The following ATP13A5 variants were observed in gnomAD, a reference collection of about 807,000 sequenced individuals.
The protein encoded by ATP13A5 is probable cation-transporting ATPase 13A5.
A neutral mutation model predicts 150.2 loss-of-function variants in ATP13A5; 149 were observed. The observed-to-expected ratio is 0.99, with a 90% CI of 0.87 to 1.14. The LOEUF (loss-of-function observed/expected upper bound fraction) is 1.14, where lower values mean the gene tolerates loss of function less well. Ranked by LOEUF, ATP13A5 falls within the 50% of genes most tolerant of loss-of-function variation. The pLI, the probability that ATP13A5 is intolerant of heterozygous loss-of-function variation, is 0.00. For missense variants in ATP13A5, 1,383 were observed against 1,449.3 expected (o/e 0.95, Z 0.74); for synonymous variants, 497 against 522.2 (o/e 0.95, Z 0.66).
chr3:193,321,765 C>A lies in ATP13A5; in HGVS notation c.1831G>T (p.Ala611Ser). The A allele has an allele frequency of 6.2e-7, 1 of 1,614,184 alleles. No homozygotes were observed. Among genetic ancestry groups the A allele is most frequent in the African/African-American group, 1.3e-5 (1 of 75,052 alleles). The change falls in exon 16 of 30, where the codon GCT (alanine) becomes TCT (serine). Residue 611 changes from alanine to serine, a missense_variant. Ala to Ser is a moderately conservative substitution (Grantham distance 99). This residue lies in a region of ATP13A5 where 787 missense variants were observed against 771.9 expected (regional missense o/e 1.02). Coordinates refer to ENST00000342358, the MANE Select transcript of ATP13A5 (RefSeq NM_198505.4). ...SSSLQRMSVI[A>S]QLAGENHFHV... is the part of the protein sequence containing the mutation. ...AAATGATTCTCCCCAGCTAGCTGAG[C>A]GATCACGGACATCCTCTGCAGGCTC...
In ATP13A5 at chr3:193,279,422, C is replaced by T; in HGVS notation, c.3259G>A (p.Gly1087Ser). 1 of 1,613,666 alleles carries T rather than the reference C, an allele frequency of 6.2e-7. No homozygotes were observed. The highest frequency in any genetic ancestry group is 8.5e-7 in the Non-Finnish European group (1 of 1,179,794). The change falls in exon 28 of 30, where the codon GGC becomes AGC. Residue 1087 changes from glycine (G) to serine (S), a missense_variant. Physicochemically the swap from Gly to Ser is moderately conservative, Grantham distance 56. This residue lies in a region of ATP13A5 where 568 missense variants were observed against 621.5 expected (regional missense o/e 0.91). Coordinates refer to ENST00000342358, the MANE Select transcript of ATP13A5 (RefSeq NM_198505.4). ...IFSFLLLAAL[G>S]LTIFILFSDF... ...GAAAACAGAATGAAAATTGTGAGGC[C>T]CAAGGCAGCTAGCAGCAGAAATGAA...
chr3:193,348,126 C>G (rs573178019), intron 7 of ATP13A5, among the ~76,000 whole-genome samples: 1 of 152,138 alleles, frequency 6.6e-6, no homozygotes, highest in South Asian at 2.1e-4. Flanking sequence ...TCTGCAAACA[C>G]GGGTTTCTAT....
intron 5 of ATP13A5, among the ~76,000 whole-genome samples, chr3:193,356,226 C>T (rs529648470): frequency 6.6e-6 from 1 of 150,382 alleles, no homozygotes; most frequent in Admixed American, 6.6e-5. Context: ...CATTATAGTG[C>T]ATATAATTAC....
intron 20 of ATP13A5, among the ~76,000 whole-genome samples, chr3:193,311,480 T>G (rs1416961250): frequency 6.6e-6 from 1 of 152,182 alleles, no homozygotes; most frequent in African/African-American, 2.4e-5. Context: ...ATGAGCTGGT[T>G]GGTTTCAGAG....
At chr3:193,298,860 T>G (rs1718278514) in intron 25 of ATP13A5, among the ~76,000 whole-genome samples, 1 of 152,158 alleles carries the variant, frequency 6.6e-6, no homozygotes, top group Non-Finnish European at 1.5e-5. Context: ...TTTGTATTCA[T>G]TTTTCTATGT....
At chr3:193,326,949 A>T (rs1345309116) in intron 13 of ATP13A5, 47 bp downstream of exon 13, 12 of 1,526,788 alleles carry the variant, frequency 7.9e-6, no homozygotes, top group Non-Finnish European at 1.1e-5. Flanking sequence ...AGTATCATCC[A>T]GGTAACTCCA....
Position 193,275,237 on chromosome 3 carries a change from T to C in ATP13A5, c.3462A>G (p.Lys1154=). 6.2e-7 allele frequency: 1 copy of C among 1,614,168 alleles called. No individual in the cohort carries two copies. The highest frequency in any genetic ancestry group is 1.1e-5 in the South Asian group (1 of 91,088). ...LIKREFGFYS[K]SQYRTWQKKL... is the part of the protein sequence containing the mutation. Reference sequence around the variant, plus strand: ...TCTTTTGCCAAGTCCTATATTGACTTTTAGAGTAGAATCCAAATTCTCTTT... The same window carrying C: ...TCTTTTGCCAAGTCCTATATTGACTCTTAGAGTAGAATCCAAATTCTCTTT... Residue 1154 remains lysine (K), a synonymous_variant, in exon 30 of 30, where the codon AAA becomes AAG. Coordinates refer to ENST00000342358, the MANE Select transcript of ATP13A5 (RefSeq NM_198505.4).
intron 16 of ATP13A5, among the ~76,000 whole-genome samples, chr3:193,319,504 A>C (rs977522438): frequency 6.6e-6 from 1 of 152,232 alleles, no homozygotes; most frequent in African/African-American, 2.4e-5. Flanking sequence ...ATACAGGAAG[A>C]AGGCAACCAT....
chr3:193,354,745 T>C (rs1712711368), intron 5 of ATP13A5, among the ~76,000 whole-genome samples: 1 of 152,114 alleles, frequency 6.6e-6, no homozygotes, highest in African/African-American at 2.4e-5. Flanking sequence ...CAAGGTGTAA[T>C]ACATATGTGC....
chr3:193,332,511 C>A (rs534758875), intron 11 of ATP13A5, among the ~76,000 whole-genome samples: 1 of 152,154 alleles, frequency 6.6e-6, no homozygotes, highest in South Asian at 2.1e-4. Flanking sequence ...CCCTCTAGAA[C>A]CTCACCTATG....
At chr3:193,325,054 T>G (rs763558671) in intron 13 of ATP13A5, 40 bp from the exon 14 acceptor site, 2 of 1,590,556 alleles carry the variant, frequency 1.3e-6, no homozygotes, top group Non-Finnish European at 8.6e-7. Context: ...GATAAAATCA[T>G]TTTGCACATT....
At chr3:193,275,666 A>G (rs1397558492) in intron 29 of ATP13A5, among the ~76,000 whole-genome samples, 1 of 152,224 alleles carries the variant, frequency 6.6e-6, no homozygotes, top group Non-Finnish European at 1.5e-5. Flanking sequence ...CCTGCCATGT[A>G]AAAGGTGTCT....
intron 26 of ATP13A5, among the ~76,000 whole-genome samples, chr3:193,287,708 A>G (rs1422793967): frequency 6.6e-6 from 1 of 152,180 alleles, no homozygotes; most frequent in Admixed American, 6.6e-5. Flanking sequence ...GCTAATACAC[A>G]TCTATTCTGT....
rs779728956 is a variant in ATP13A5, at chr3:193,333,806, C to T, written c.1216G>A (p.Ala406Thr). ...SDAFKFIVFL[A>T]CLGVMGFFYA... ...AAAAAACCCATGACACCAAGGCAGG[C>T]CAGGAACACGATGAACTTGAAGGCA... The change falls in exon 11 of 30, where the codon GCC becomes ACC. Residue 406 changes from alanine (A) to threonine (T), a missense_variant. Ala to Thr is a moderately conservative substitution (Grantham distance 58, BLOSUM62 0). Around this residue, in one of 3 missense-constraint regions of ATP13A5, gnomAD observed 787 missense variants for 771.9 expected, o/e 1.02. Coordinates refer to ENST00000342358, the MANE Select transcript of ATP13A5 (RefSeq NM_198505.4). The T allele has an allele frequency of 2.4e-5, 38 of 1,613,796 alleles. No homozygotes were observed. The highest frequency in any genetic ancestry group is 2.8e-5 in the Non-Finnish European group (33 of 1,179,896).
intron 26 of ATP13A5, 124 bp downstream of exon 26, chr3:193,289,761 G>T: frequency 1.1e-6 from 1 of 913,722 alleles, no homozygotes; most frequent in Non-Finnish European, 1.6e-6. Context: ...CATCATTTGA[G>T]TTTTGCAGCG....
At chr3:193,311,406 C>A (rs551643421) in intron 20 of ATP13A5, among the ~76,000 whole-genome samples, 1 of 152,262 alleles carries the variant, frequency 6.6e-6, no homozygotes, top group African/African-American at 2.4e-5. Flanking sequence ...AACCATGGGG[C>A]CTTTGTTTCC....
At chr3:193,369,986 C>T (rs187651016) in intron 1 of ATP13A5, among the ~76,000 whole-genome samples, 5 of 152,204 alleles carry the variant, frequency 3.3e-5, no homozygotes, top group East Asian at 1.9e-4. Context: ...GGATCAAGAC[C>T]GGTAATAGAA....
intron 1 of ATP13A5, among the ~76,000 whole-genome samples, chr3:193,370,491 G>A (rs1249574748): frequency 1.3e-5 from 2 of 152,150 alleles, no homozygotes; most frequent in African/African-American, 2.4e-5. Flanking sequence ...CTGAGGATAT[G>A]GCATGGGAAA....
chr3:193,341,631 A>C (rs1294451872), intron 9 of ATP13A5, among the ~76,000 whole-genome samples: 1 of 152,058 alleles, frequency 6.6e-6, no homozygotes, highest in African/African-American at 2.4e-5. Context: ...CCTCCATCAG[A>C]CCCCTCTCCC....
Sources: allele counts gnomAD v4.1 joint callset (sites outside exome capture counted in the v4.1 genomes callset), GRCh38; gene constraint gnomAD v4.1.1; regional missense constraint gnomAD v4.1.1; transcripts MANE v1.5; gene names NCBI Gene and HGNC (gene_info 2026-07-23, HGNC 2026-07-21).